Variants in ZNF469 observed in about 807,000 individuals in gnomAD.
ZNF469 encodes zinc finger protein 469.
In ZNF469, 1 loss-of-function variant was observed where a neutral mutation model predicts 1.0. The ratio of observed to expected loss-of-function variants is 1.00; its 90% CI spans 0.35 to 4.73. The LOEUF (loss-of-function observed/expected upper bound fraction) is 4.73. ZNF469 is among the 30% of genes most tolerant of loss of function. The pLI is 0.16. For synonymous variants in ZNF469, 2,703 were observed against 2,363.4 expected, an observed-to-expected ratio of 1.14 and a Z score of -4.17; for missense variants, 6,100 against 5,356.3, an observed-to-expected ratio of 1.14 and a Z score of -4.33.
At chr16:88,379,340 A>G (rs1257139715), upstream of ZNF469, among the ~76,000 whole-genome samples, 2 of 152,058 alleles carry the variant, frequency 1.3e-5, no homozygotes, top group African/African-American at 4.8e-5. Context: ...ACCACCCGGG[A>G]GCCTTCCAGC....
chr16:88,401,547 A>ATGG (rs760390136), intron 1 of ZNF469, among the ~76,000 whole-genome samples: 2,670 of 76,084 alleles, frequency 0.035, 20 homozygotes, highest in South Asian at 0.047. Context: ...GGGTGGATGG[A>ATGG]TGGATGCATG....
At chr16:88,388,282 C>G (rs73247990) in intron 1 of ZNF469, among the ~76,000 whole-genome samples, 111 of 152,372 alleles carry the variant, frequency 7.3e-4, no homozygotes, top group African/African-American at 2.5e-3. Context: ...GGGGGACATT[C>G]CGTCCCCTGG....
chr16:88,411,374 G>T (rs1238552434), intron 1 of ZNF469, among the ~76,000 whole-genome samples: 1 of 151,182 alleles, frequency 6.6e-6, no homozygotes, highest in African/African-American at 2.4e-5. Context: ...GGGGAGTGGC[G>T]GGCAGGGGTG....
chr16:88,232,861 A>G, the ZNF469 span, among the ~76,000 whole-genome samples: 1 of 152,246 alleles, frequency 6.6e-6, no homozygotes, highest in African/African-American at 2.4e-5. Context: ...GGTTCTGGGC[A>G]CGTCGCATAT....
chr16:88,319,705 T>C, the ZNF469 span, among the ~76,000 whole-genome samples: 1 of 152,116 alleles, frequency 6.6e-6, no homozygotes, highest in Non-Finnish European at 1.5e-5. Flanking sequence ...ACGCCTTGGG[T>C]TTGTGGATGC....
At position 88,435,572 on chromosome 16, in the gene ZNF469, G is replaced by A; in HGVS notation, c.8102G>A (p.Gly2701Glu). 6.5e-7 allele frequency: 1 copy of A among 1,549,986 alleles called. No homozygotes were observed. The highest frequency in any genetic ancestry group is 8.7e-7 in the Non-Finnish European group (1 of 1,146,966). Residue 2701 changes from glycine to glutamate, a missense_variant, in exon 3 of 3, where the codon GGG becomes GAG. Gly to Glu is a moderately conservative substitution (Grantham distance 98, BLOSUM62 -2). Transcript: ENST00000565624. The stretch of plus-strand genomic sequence containing the variant: ...CCTCGCTTGGCCACTCTGGGACCTG[G>A]GGTGATGGAGGGTGCAGCGGAGACT... ...QPPRLATLGP[G>E]VMEGAAETDQ...
chr16:88,298,876 C>T, the ZNF469 span, among the ~76,000 whole-genome samples: 1 of 152,342 alleles, frequency 6.6e-6, no homozygotes, highest in East Asian at 1.9e-4. Flanking sequence ...CCATTTTTCC[C>T]TCTGAGGGGT....
the ZNF469 span, among the ~76,000 whole-genome samples, chr16:88,371,968 A>G: frequency 2.1e-5 from 3 of 146,334 alleles, no homozygotes; most frequent in East Asian, 2.0e-4. Flanking sequence ...CATCATCACC[A>G]TCACCACCAT....
At chr16:88,158,391 C>T in the ZNF469 span, among the ~76,000 whole-genome samples, 7 of 151,932 alleles carry the variant, frequency 4.6e-5, no homozygotes, top group Admixed American at 3.3e-4. Context: ...CCACCCACCC[C>T]GAGCTGCAAG....
Position 88,432,763 on chromosome 16 carries a change from C to T in ZNF469, c.5293C>T (p.Leu1765=). 3 of 1,550,422 alleles carry T rather than the reference C, an allele frequency of 1.9e-6. No homozygotes were observed. Among genetic ancestry groups the T allele is most frequent in the Non-Finnish European group, 2.6e-6 (3 of 1,146,988 alleles). ...AASSQESEDS[L]RLLPCEQRGG... is the part of the protein sequence containing the mutation. The stretch of plus-strand genomic sequence containing the variant: ...CAGCTCACAAGAAAGTGAAGACTCC[C>T]TGCGGCTGCTTCCCTGTGAACAGAG... The change falls in exon 3 of 3, where the codon CTG becomes TTG. Residue 1765 remains leucine, a synonymous_variant. Transcript: ENST00000565624.
chr16:88,235,179 G>C, the ZNF469 span, among the ~76,000 whole-genome samples: 9 of 152,310 alleles, frequency 5.9e-5, no homozygotes, highest in South Asian at 1.9e-3. Flanking sequence ...CCTCTCCAGG[G>C]ATGGAGAGGG....
At chr16:88,416,980 G>A (rs1278978275) in intron 1 of ZNF469, among the ~76,000 whole-genome samples, 1 of 152,262 alleles carries the variant, frequency 6.6e-6, no homozygotes, top group Non-Finnish European at 1.5e-5. Context: ...TCCTCCTGGG[G>A]TCCCGTGGAG....
intron 1 of ZNF469, among the ~76,000 whole-genome samples, chr16:88,406,836 C>T (rs966510853): frequency 6.6e-6 from 1 of 152,184 alleles, no homozygotes; most frequent in African/African-American, 2.4e-5. Flanking sequence ...GGGGATGACA[C>T]AGGGTTGGCG....
At chr16:88,277,232 G>A in the ZNF469 span, among the ~76,000 whole-genome samples, 18 of 143,928 alleles carry the variant, frequency 1.3e-4, 1 homozygote, top group East Asian at 1.0e-3. Context: ...GTGCCACACC[G>A]ACGCTCAGTC....
At chr16:88,130,726 A>AAAAGG in the ZNF469 span, among the ~76,000 whole-genome samples, 4 of 149,462 alleles carry the variant, frequency 2.7e-5, no homozygotes, top group African/African-American at 1.0e-4. Flanking sequence ...AAAAAAAAAA[A>AAAAGG]AGAGGCACCT....
the ZNF469 span, among the ~76,000 whole-genome samples, chr16:88,227,927 C>T: frequency 3.2e-4 from 49 of 152,154 alleles, no homozygotes; most frequent in South Asian, 8.3e-4. Context: ...AGGTGCACCC[C>T]GCCAGGCTCT....
chr16:88,132,117 G>A, the ZNF469 span, among the ~76,000 whole-genome samples: 2 of 152,186 alleles, frequency 1.3e-5, no homozygotes, highest in African/African-American at 4.8e-5. Context: ...TGTGGACATC[G>A]CTGTCTGTGG....
chr16:88,228,404 C>G, the ZNF469 span, among the ~76,000 whole-genome samples: 4 of 152,260 alleles, frequency 2.6e-5, no homozygotes, highest in East Asian at 7.7e-4. Flanking sequence ...TACAATGGCA[C>G]CTGCCCCGCA....
Position 88,427,794 on chromosome 16 carries a change from G to A in ZNF469, c.324G>A (p.Leu108=). Residue 108 remains leucine, a synonymous_variant, in exon 3 of 3, where the codon CTG becomes CTA. Coordinates refer to ENST00000565624, the MANE Select transcript of ZNF469 (RefSeq NM_001367624.2). ...GCCCCTTGCAGGCTCCCTCAAGGCTGGCGGGCAGGGCAGAGGGCAGCCCCC... is the reference window on the plus strand; with the variant it reads ...GCCCCTTGCAGGCTCCCTCAAGGCTAGCGGGCAGGGCAGAGGGCAGCCCCC... ...GRSPLQAPSR[L]AGRAEGSPPQ... 1 of 1,547,460 alleles carries A rather than the reference G, an allele frequency of 6.5e-7. No homozygotes were observed. Among genetic ancestry groups the A allele is most frequent in the Non-Finnish European group, 8.7e-7 (1 of 1,146,754 alleles).
Sources: gnomAD v4.1 joint callset for allele counts (sites outside exome capture counted in the v4.1 genomes callset) on GRCh38, gnomAD v4.1.1 for gene constraint, MANE v1.5 for transcripts, NCBI Gene and HGNC (gene_info 2026-07-23, HGNC 2026-07-21) for gene names.